The following LEKR1 variants were observed in gnomAD, a reference collection of about 807,000 sequenced individuals.
The protein encoded by LEKR1 is leucine, glutamate and lysine rich 1.
Under a neutral mutation model 72.4 loss-of-function variants are expected in LEKR1, and 59 were observed. The observed-to-expected ratio is 0.82, with a 90% CI of 0.66 to 1.01. The LOEUF (loss-of-function observed/expected upper bound fraction) is 1.01. Among genes scored for constraint, LEKR1 ranks in the 50% least tolerant of loss-of-function variants. LEKR1 has a pLI of 0.00. For missense variants in LEKR1, 728 were observed against 759.2 expected, an observed-to-expected ratio of 0.96 and a Z score of 0.48; for synonymous variants, 257 against 263.2, an observed-to-expected ratio of 0.98 and a Z score of 0.23.
intron 2 of LEKR1, among the ~76,000 whole-genome samples, chr3:156,843,969 C>T (rs1318963696): frequency 1.3e-5 from 2 of 151,984 alleles, no homozygotes; most frequent in Non-Finnish European, 2.9e-5. Flanking sequence ...CAAGGTAGTT[C>T]ATTAGAAAAA....
intron 11 of LEKR1, among the ~76,000 whole-genome samples, chr3:157,026,663 G>T (rs1429761955): frequency 1.3e-5 from 2 of 152,128 alleles, no homozygotes; most frequent in Non-Finnish European, 2.9e-5. Context: ...ACAAATTTTG[G>T]ATACATAACT....
intron 6 of LEKR1, among the ~76,000 whole-genome samples, chr3:156,966,599 C>T (rs941300857): frequency 1.1e-4 from 16 of 152,050 alleles, no homozygotes; most frequent in Non-Finnish European, 1.8e-4. Context: ...CTGCCATTGC[C>T]GAGGCTTGAG....
rs750246310 is a variant in LEKR1 at position 157,045,705 on chromosome 3, A to G, written c.2034A>G (p.Arg678=). Residue 678 remains arginine (R), a synonymous_variant, in exon 13 of 13, where the codon AGA becomes AGG. Transcript: ENST00000356539. ...RGGASSANET[R]QRLAAILRRR... Reference sequence around the variant, plus strand: ...GAGCATCTTCAGCAAATGAGACTAGACAGAGACTGGCTGCCATTCTTAGGA... The same window carrying G: ...GAGCATCTTCAGCAAATGAGACTAGGCAGAGACTGGCTGCCATTCTTAGGA... 6.8e-6 allele frequency: 11 copies of G among 1,612,658 alleles called. No individual in the cohort carries two copies. Among genetic ancestry groups the G allele is most frequent in the Admixed American group, 6.7e-5 (4 of 59,980 alleles).
rs149959458 is a variant in LEKR1, at chr3:157,046,025, C to A, written c.*275C>A. On this transcript the variant is annotated 3_prime_UTR_variant, in exon 13 of 13. Coordinates refer to ENST00000356539, the MANE Select transcript of LEKR1 (RefSeq NM_001004316.3). ...TTGGAATGTGCTCTATGAATATAGC[C>A]TTTTAGAGATCACAGGTAAAATTTT... 213 of 322,638 alleles carry A rather than the reference C, an allele frequency of 6.6e-4. 4 individuals are homozygous for A. The East Asian group carries it at 8.5e-3, about 13-fold the overall frequency. 20.0% of individuals were successfully genotyped at this position (322,638 alleles called of 1,614,324 possible).
chr3:156,835,253 T>C (rs2108529317), intron 2 of LEKR1, among the ~76,000 whole-genome samples: 1 of 152,316 alleles, frequency 6.6e-6, no homozygotes. Context: ...AGCCAAAACA[T>C]TGTATGATAA....
chr3:157,038,726 T>C (rs1042893670), intron 12 of LEKR1, among the ~76,000 whole-genome samples: 1 of 152,232 alleles, frequency 6.6e-6, no homozygotes, highest in Non-Finnish European at 1.5e-5. Context: ...CAGTCCCTTA[T>C]CTGAAAACTT....
chr3:157,034,714 G>T (rs765693273), intron 12 of LEKR1, among the ~76,000 whole-genome samples: 3 of 152,176 alleles, frequency 2.0e-5, no homozygotes, highest in Admixed American at 1.3e-4. Flanking sequence ...GTTCTACTGC[G>T]GGTAAAATGC....
Position 156,992,724 on chromosome 3 carries a change from A to T in LEKR1, c.899A>T (p.Glu300Val). 1 of 981,942 alleles carries T rather than the reference A, an allele frequency of 1.0e-6. No homozygotes were observed. Among genetic ancestry groups the T allele is most frequent in the Non-Finnish European group, 1.3e-6 (1 of 773,148 alleles). The allele number at this position is 981,942 out of a possible 1,614,324, so 60.8% of individuals were successfully genotyped here. A position where few individuals can be genotyped will look rare whatever the true frequency, so the allele number is the denominator to read the frequency against. The change falls in exon 8 of 13, where the codon GAG becomes GTG. Residue 300 changes from glutamate to valine, a missense_variant. Physicochemically the swap from Glu to Val is moderately radical, Grantham distance 121. Transcript: ENST00000356539. The stretch of plus-strand genomic sequence containing the variant: ...CTGAAGTTTGAATCCATTATTTCTG[A>T]GTCACAGTATGCATTACCAATTTTT... ...KKLKFESIIS[E>V]SQHTMLLKEK...
intron 6 of LEKR1, among the ~76,000 whole-genome samples, chr3:156,955,096 G>A (rs900735264): frequency 6.6e-6 from 1 of 151,722 alleles, no homozygotes; most frequent in Non-Finnish European, 1.5e-5. Flanking sequence ...GTATTCTTAG[G>A]GTTTTAAAAA....
chr3:156,986,442 C>T (rs1250149443), intron 7 of LEKR1, among the ~76,000 whole-genome samples: 6 of 151,972 alleles, frequency 3.9e-5, no homozygotes, highest in Non-Finnish European at 5.9e-5. Context: ...TATGGTTTAG[C>T]CTAAGACTGT....
chr3:156,845,038 T>C (rs1322648053), intron 2 of LEKR1, among the ~76,000 whole-genome samples: 1 of 151,986 alleles, frequency 6.6e-6, no homozygotes, highest in Non-Finnish European at 1.5e-5. Flanking sequence ...TTGTCAGTGA[T>C]GTGTAGTGAG....
At chr3:157,008,790 T>A (rs1168884379) in intron 9 of LEKR1, among the ~76,000 whole-genome samples, 2 of 152,244 alleles carry the variant, frequency 1.3e-5, no homozygotes, top group African/African-American at 4.8e-5. Context: ...TCCATATGTA[T>A]CATTCTAATT....
chr3:156,866,731 ATGGGTAGGTGGATGGG>A (rs998372826), intron 3 of LEKR1, among the ~76,000 whole-genome samples: 14 of 151,978 alleles, frequency 9.2e-5, no homozygotes, highest in Admixed American at 9.2e-4. Context: ...GGCTGGATGG[ATGGGTAGGTGGATGGG>A]TGGATGGATA....
At chr3:156,949,425 T>C (rs1325456123) in intron 6 of LEKR1, among the ~76,000 whole-genome samples, 2 of 151,616 alleles carry the variant, frequency 1.3e-5, no homozygotes, top group Admixed American at 6.6e-5. Flanking sequence ...GGGAGTCTTT[T>C]TCCATTGCTT....
intron 7 of LEKR1, chr3:156,979,999 G>C (rs1730041920): frequency 6.6e-6 from 1 of 152,132 alleles, no homozygotes. Flanking sequence ...GGGCGACAGA[G>C]TGAGACCCTG....
At chr3:156,930,375 G>A (rs940931847) in intron 5 of LEKR1, among the ~76,000 whole-genome samples, 2 of 151,912 alleles carry the variant, frequency 1.3e-5, no homozygotes, top group South Asian at 2.1e-4. Context: ...CTTATTTAAA[G>A]CAAGCATTAT....
intron 12 of LEKR1, among the ~76,000 whole-genome samples, chr3:157,037,793 G>C (rs572894702): frequency 5.4e-4 from 82 of 152,342 alleles, no homozygotes; most frequent in African/African-American, 1.8e-3. Flanking sequence ...TGCTATATTA[G>C]ATGGGGTAGT....
At chr3:156,958,823 C>T (rs1179677109) in intron 6 of LEKR1, among the ~76,000 whole-genome samples, 2 of 152,058 alleles carry the variant, frequency 1.3e-5, no homozygotes, top group African/African-American at 4.8e-5. Context: ...GTACTTTTAA[C>T]TTTAGTGATT....
intron 3 of LEKR1, among the ~76,000 whole-genome samples, chr3:156,878,934 C>T (rs1471482349): frequency 6.6e-6 from 1 of 152,076 alleles, no homozygotes; most frequent in Non-Finnish European, 1.5e-5. Context: ...TAAGATGTGC[C>T]TTTTGCCTTT....
Sources: gnomAD v4.1 joint callset for allele counts (sites outside exome capture counted in the v4.1 genomes callset) on GRCh38, gnomAD v4.1.1 for gene constraint, MANE v1.5 for transcripts, NCBI Gene and HGNC (gene_info 2026-07-23, HGNC 2026-07-21) for gene names.